TRABD: variants seen among roughly 807,000 people sequenced by gnomAD.
TRABD encodes the protein TraB domain containing, also known as traB domain-containing protein.
Under a neutral mutation model 39.6 loss-of-function variants are expected in TRABD, and 23 were observed. The ratio of observed to expected loss-of-function variants is 0.58; its 90% CI spans 0.42 to 0.82. The LOEUF is 0.82. Among genes scored for constraint, TRABD ranks in the 40% least tolerant of loss-of-function variants. TRABD has a pLI of 0.00. For synonymous variants in TRABD, 243 were observed against 232.1 expected (o/e 1.05, Z -0.43); for missense variants, 487 against 544.9 (o/e 0.89, Z 1.06).
At chr22:50,190,476 G>C (rs1214875920) in intron 1 of TRABD, 3 of 152,326 alleles carry the variant, frequency 2.0e-5, no homozygotes, top group African/African-American at 7.2e-5. Context: ...GGTGGGGGCT[G>C]ACCGCAGACC....
At chr22:50,197,764 G>GCCCCCCCCCCCCCCCCCCCTGGCCC in intron 7 of TRABD, 59 bp from the exon 8 acceptor site, 1 of 1,284,794 alleles carries the variant, frequency 7.8e-7, no homozygotes, top group South Asian at 1.2e-5. Context: ...CACAGTGCCA[G>GCCCCCCCCCCCCCCCCCCCTGGCCC]CCCCACCCCC....
chr22:50,197,890 G>A lies in TRABD; in HGVS notation c.739G>A (p.Glu247Lys), dbSNP rs746954295. Residue 247 changes from glutamate (E) to lysine (K), a missense_variant, in exon 8 of 10, where the codon GAG (glutamate) becomes AAG (lysine). Coordinates refer to ENST00000380909, the MANE Select transcript of TRABD (RefSeq NM_001320485.2). ...GCAGATGATGGCCGAGATGATTGGC[G>A]AGTTCCCAGACCTGCACCGCACCAT... ...LEQMMAEMIG[E>K]FPDLHRTIVS... The A allele has an allele frequency of 2.5e-6, 4 of 1,612,800 alleles. No homozygotes were observed. Among genetic ancestry groups the A allele is most frequent in the Admixed American group, 1.7e-5 (1 of 59,994 alleles).
intron 3 of TRABD, 78 bp from the exon 4 acceptor site, chr22:50,194,262 A>G: frequency 2.6e-6 from 4 of 1,547,006 alleles, no homozygotes; most frequent in Non-Finnish European, 2.6e-6. Context: ...GGAGGGTTCT[A>G]GAGCCCAGGC....
rs756999810 is a variant in TRABD at position 50,194,332 on chromosome 22, T to C, written c.113-8T>C. The C allele has an allele frequency of 9.9e-6, 16 of 1,610,572 alleles. No individual in the cohort carries two copies. The highest frequency in any genetic ancestry group is 1.2e-5 in the Non-Finnish European group (14 of 1,178,380). On this transcript the variant is annotated splice_region_variant and splice_polypyrimidine_tract_variant and intron_variant, in intron 3 of 9. Coordinates refer to ENST00000380909, the MANE Select transcript of TRABD (RefSeq NM_001320485.2). The stretch of plus-strand genomic sequence containing the variant: ...CCGGCACCACAACGGCCTGTGCTGC[T>C]GTTGCAGCCGACGTGGACGCCTTCA...
intron 7 of TRABD, 94 bp from the exon 8 acceptor site, chr22:50,197,729 C>T (rs766976617): frequency 1.8e-5 from 29 of 1,573,492 alleles, no homozygotes; most frequent in Admixed American, 6.9e-5. Flanking sequence ...CCCAAACAAA[C>T]GTGCTGTGGT....
intron 6 of TRABD, 22 bp downstream of exon 6, chr22:50,197,373 G>A (rs747610515): frequency 6.2e-7 from 1 of 1,613,388 alleles, no homozygotes; most frequent in Admixed American, 1.7e-5. Context: ...GTGAGGTAGG[G>A]GGTGGCCACA....
rs532584202 is a variant in TRABD at position 50,198,439 on chromosome 22, C to G, written c.1051C>G (p.Arg351Gly). ...LLGYSLYWMG[R>G]RTASLVLSLP... ...GGGCTACAGCCTGTACTGGATGGGC[C>G]GCCGCACCGCGAGCCTGGTCCTGTC... The change falls in exon 10 of 10, where the codon CGC becomes GGC. Residue 351 changes from arginine to glycine, a missense_variant. By Grantham distance (125) the Arg-to-Gly change is moderately radical (BLOSUM62 -2). This residue lies in a region of TRABD where 123 missense variants were observed against 108.3 expected (regional missense o/e 1.14). Coordinates refer to ENST00000380909, the MANE Select transcript of TRABD (RefSeq NM_001320485.2). This position sits in a 1 kb window ranked among gnomAD's most constrained non-coding sequence, Gnocchi z 7.9. 3 of 1,594,144 alleles carry G rather than the reference C, an allele frequency of 1.9e-6. No homozygotes were observed. The highest frequency in any genetic ancestry group is 2.6e-6 in the Non-Finnish European group (3 of 1,176,214).
Position 50,198,863 on chromosome 22 carries a change from T to G in TRABD, c.*344T>G. 1 of 539,692 alleles carries G rather than the reference T, an allele frequency of 1.9e-6. No homozygotes were observed. Among genetic ancestry groups the G allele is most frequent in the Non-Finnish European group, 3.3e-6 (1 of 301,646 alleles). The allele number at this position is 539,692 out of a possible 1,614,324, so 33.4% of individuals were successfully genotyped here. ...AGCCCTGGTGGCAGGCGGGGGACAA[T>G]GGCCACTGTCCCTACCTCACTGTGC... On this transcript the variant is annotated 3_prime_UTR_variant, in exon 10 of 10. Coordinates refer to ENST00000380909, the MANE Select transcript of TRABD (RefSeq NM_001320485.2). The surrounding 1 kb of genome is among the most constrained non-coding windows in gnomAD (Gnocchi z 7.9).
chr22:50,197,763 A>AGGGCCCCCCCCCCCCCCCCCTG, intron 7 of TRABD, 60 bp from the exon 8 acceptor site: 2 of 1,439,778 alleles, frequency 1.4e-6, no homozygotes, highest in Non-Finnish European at 1.9e-6. Flanking sequence ...CCACAGTGCC[A>AGGGCCCCCCCCCCCCCCCCCTG]GCCCCACCCC....
At position 50,188,285 on chromosome 22, in the gene TRABD, T is replaced by TA. The variant is rs1301263888; in HGVS notation, c.-35+2319dup. Among the ~76,000 whole-genome samples, 618 of 148,424 alleles carry TA rather than the reference T, an allele frequency of 4.2e-3. 9 individuals are homozygous for TA. Among genetic ancestry groups the TA allele is most frequent in the African/African-American group, 0.014 (584 of 40,516 alleles). On this transcript the variant is annotated intron_variant, in intron 1 of 9. Transcript: ENST00000380909. ...CGACAGAGTGACACTCCGTCTCAAA[T>TA]AAAAAAAAAATGAGGTCTCGCTAAG...
intron 3 of TRABD, 54 bp downstream of exon 3, chr22:50,193,708 G>T: frequency 6.5e-7 from 1 of 1,547,104 alleles, no homozygotes; most frequent in South Asian, 1.1e-5. Flanking sequence ...TGTTGAGTCA[G>T]GGAGGAGGGG....
In TRABD at chr22:50,193,674, C is replaced by T. The variant is rs1489925829; in HGVS notation, c.112+20C>T. 5 of 1,610,654 alleles carry T rather than the reference C, an allele frequency of 3.1e-6. No homozygotes were observed. The highest frequency in any genetic ancestry group is 3.3e-5 in the Admixed American group (2 of 60,010). On this transcript the variant is annotated intron_variant, in intron 3 of 9. Coordinates refer to ENST00000380909, the MANE Select transcript of TRABD (RefSeq NM_001320485.2). Reference sequence around the variant, plus strand: ...ACCTGTGTACGTGTCCCTCAGGGTCCTGGCACGTTCCCCGGTGTTGGGCTG... The same window carrying T: ...ACCTGTGTACGTGTCCCTCAGGGTCTTGGCACGTTCCCCGGTGTTGGGCTG...
At chr22:50,193,756 GT>G (rs1361687759) in intron 3 of TRABD, 102 bp downstream of exon 3, 15 of 1,180,128 alleles carry the variant, frequency 1.3e-5, no homozygotes, top group Admixed American at 3.6e-5. Flanking sequence ...GGAGCTTGTG[GT>G]GAGCAGGGGC....
At chr22:50,197,760 G>GA in intron 7 of TRABD, 63 bp from the exon 8 acceptor site, 1 of 1,537,028 alleles carries the variant, frequency 6.5e-7, no homozygotes, top group Non-Finnish European at 8.9e-7. Flanking sequence ...TGTCCACAGT[G>GA]CCAGCCCCAC....
intron 1 of TRABD, chr22:50,191,820 C>T (rs1380585519): frequency 2.0e-5 from 3 of 152,194 alleles, no homozygotes; most frequent in East Asian, 3.9e-4. Context: ...GACAGGATCT[C>T]GGCTCACTGC....
In TRABD at chr22:50,193,084, AC is replaced by A; in HGVS notation, c.26del (p.Pro9ArgfsTer41). ...CCATGGACGGGGAGGAGCAGCAGCCACCGCACGAGGTGAGGTGGAGGCTGGG... is the reference window on the plus strand; with the variant it reads ...CCATGGACGGGGAGGAGCAGCAGCCACGCACGAGGTGAGGTGGAGGCTGGG... MDGEEQQP[P>X]HEANVEPVVP... is the part of the protein sequence containing the mutation. On this transcript the variant is annotated frameshift_variant, in exon 2 of 10. Coordinates refer to ENST00000380909, the MANE Select transcript of TRABD (RefSeq NM_001320485.2). LOFTEE classifies it high-confidence loss of function. 6.5e-7 allele frequency: 1 copy of A among 1,545,156 alleles called. No homozygotes were observed. The highest frequency in any genetic ancestry group is 8.7e-7 in the Non-Finnish European group (1 of 1,146,968).
At position 50,199,393 on chromosome 22, in the gene TRABD, G is replaced by A. The variant is rs577406290; in HGVS notation, c.*874G>A. The A allele has an allele frequency of 1.5e-4, 57 of 375,508 alleles. No individual in the cohort carries two copies. Among genetic ancestry groups the A allele is most frequent in the Admixed American group, 2.8e-4 (6 of 21,802 alleles). 23.3% of individuals were successfully genotyped at this position (375,508 alleles called of 1,614,324 possible). ...GTCCCGCTCAGGCCCCCTGCCCGGC[G>A]GCCGTCTGTGTGCGGGGCCTCCCTC... On this transcript the variant is annotated 3_prime_UTR_variant, in exon 10 of 10. Coordinates refer to ENST00000380909, the MANE Select transcript of TRABD (RefSeq NM_001320485.2).
chr22:50,197,759 T>G, intron 7 of TRABD, 64 bp from the exon 8 acceptor site: 1 of 1,561,200 alleles, frequency 6.4e-7, no homozygotes, highest in Non-Finnish European at 8.8e-7. Context: ...GTGTCCACAG[T>G]GCCAGCCCCA....
intron 1 of TRABD, among the ~76,000 whole-genome samples, chr22:50,188,153 G>A (rs933356562): frequency 2.6e-5 from 4 of 152,064 alleles, no homozygotes; most frequent in African/African-American, 9.6e-5. Flanking sequence ...GGTGGCGCAC[G>A]CCTGTAATCC....
Sources: gnomAD v4.1 joint callset for allele counts (sites outside exome capture counted in the v4.1 genomes callset) on GRCh38, gnomAD v4.1.1 for gene constraint, gnomAD v4.1.1 regional missense constraint, Gnocchi (gnomAD v3.1) non-coding constraint, MANE v1.5 for transcripts, NCBI Gene and HGNC (gene_info 2026-07-23, HGNC 2026-07-21) for gene names.